LIMS1: variants seen among roughly 807,000 people sequenced by gnomAD.
LIMS1 encodes LIM zinc finger domain containing 1.
A neutral mutation model predicts 44.1 loss-of-function variants in LIMS1; 18 were observed. The ratio of observed to expected loss-of-function variants is 0.41; its 90% CI spans 0.28 to 0.61. The LOEUF (loss-of-function observed/expected upper bound fraction) is 0.61, where lower values mean the gene tolerates loss of function less well. Ranked by LOEUF, LIMS1 falls within the 20% of genes least tolerant of loss-of-function variation. The pLI is 0.32. For missense variants in LIMS1, 201 were observed against 422.0 expected, an observed-to-expected ratio of 0.48 and a Z score of 4.59; for synonymous variants, 93 against 149.1, an observed-to-expected ratio of 0.62 and a Z score of 2.74.
At chr2:108,546,811 A>G (rs538542522) in intron 1 of LIMS1, among the ~76,000 whole-genome samples, 34 of 152,290 alleles carry the variant, frequency 2.2e-4, no homozygotes, top group Admixed American at 1.9e-3. Flanking sequence ...GGAGACTTCT[A>G]TAAAGCACCT....
chr2:108,583,833 C>T (rs1239462814), intron 1 of LIMS1, among the ~76,000 whole-genome samples: 1 of 151,336 alleles, frequency 6.6e-6, no homozygotes, highest in Non-Finnish European at 1.5e-5. Context: ...TAACTGGGAC[C>T]ACAGGCGCCC....
chr2:108,583,597 C>T (rs193072545), intron 1 of LIMS1, among the ~76,000 whole-genome samples: 197 of 151,856 alleles, frequency 1.3e-3, no homozygotes, highest in African/African-American at 4.5e-3. Flanking sequence ...GGAAAAGATA[C>T]GCAAGTGTAT....
intron 8 of LIMS1, among the ~76,000 whole-genome samples, chr2:108,679,883 A>C (rs1469254276): frequency 6.6e-6 from 1 of 151,950 alleles, no homozygotes; most frequent in African/African-American, 2.4e-5. Flanking sequence ...CAGCCTGGAC[A>C]ACAGAGCGAG....
chr2:108,672,509 A>G (rs1692233473), intron 4 of LIMS1, 64 bp downstream of exon 4: 4 of 455,878 alleles, frequency 8.8e-6, no homozygotes, highest in South Asian at 4.3e-5. Context: ...GATCATGTGT[A>G]TTCTCCATGT....
intron 1 of LIMS1, among the ~76,000 whole-genome samples, chr2:108,640,461 A>G (rs1277208735): frequency 6.6e-6 from 1 of 152,200 alleles, no homozygotes; most frequent in Non-Finnish European, 1.5e-5. Context: ...CTGAGGCCAC[A>G]CAGTGCTTTC....
chr2:108,605,599 A>G (rs1687228581), intron 1 of LIMS1, among the ~76,000 whole-genome samples: 1 of 152,238 alleles, frequency 6.6e-6, no homozygotes, highest in Non-Finnish European at 1.5e-5. Context: ...AGTACCTACT[A>G]CATGCCCAGC....
intron 1 of LIMS1, among the ~76,000 whole-genome samples, chr2:108,612,877 C>A (rs1309730157): frequency 6.6e-6 from 1 of 152,160 alleles, no homozygotes; most frequent in African/African-American, 2.4e-5. Context: ...TTCCCAGAAG[C>A]TTCCGGGGTT....
intron 1 of LIMS1, among the ~76,000 whole-genome samples, chr2:108,546,243 G>A (rs1014334513): frequency 1.9e-5 from 2 of 107,680 alleles, no homozygotes; most frequent in African/African-American, 6.8e-5. Flanking sequence ...ACTAGTGATT[G>A]TTTTCCCTTG....
intron 1 of LIMS1, among the ~76,000 whole-genome samples, chr2:108,631,335 A>G (rs1405117478): frequency 1.3e-5 from 2 of 152,146 alleles, no homozygotes; most frequent in East Asian, 3.8e-4. Context: ...TTGAATAACT[A>G]CTTAGTAATT....
intron 1 of LIMS1, among the ~76,000 whole-genome samples, chr2:108,581,813 T>G (rs1185484772): frequency 1.3e-5 from 2 of 151,984 alleles, no homozygotes; most frequent in Admixed American, 1.3e-4. Context: ...GGCGCATGCC[T>G]GTAATCCCAG....
intron 9 of LIMS1, among the ~76,000 whole-genome samples, chr2:108,681,905 AT>A (rs1448879105): frequency 6.6e-6 from 1 of 151,964 alleles, no homozygotes; most frequent in African/African-American, 2.4e-5. Flanking sequence ...AAAAAAAAAA[AT>A]CTTTCAGCAT....
At chr2:108,579,700 G>A (rs780338854) in intron 1 of LIMS1, among the ~76,000 whole-genome samples, 1 of 152,198 alleles carries the variant, frequency 6.6e-6, no homozygotes, top group Non-Finnish European at 1.5e-5. Flanking sequence ...TATTCACAGC[G>A]AGCCTGCCCT....
intron 1 of LIMS1, among the ~76,000 whole-genome samples, chr2:108,640,023 A>G (rs1381174344): frequency 1.3e-5 from 2 of 152,178 alleles, no homozygotes; most frequent in Admixed American, 6.5e-5. Context: ...TCTGCTTTTA[A>G]TGATTGCACC....
intron 1 of LIMS1, among the ~76,000 whole-genome samples, chr2:108,597,374 T>C (rs2104706445): frequency 6.6e-6 from 1 of 152,306 alleles, no homozygotes; most frequent in East Asian, 1.9e-4. Context: ...GTGATTGTAA[T>C]GATGATTGCA....
At chr2:108,543,335 T>C (rs1468879188) in intron 1 of LIMS1, among the ~76,000 whole-genome samples, 2 of 152,190 alleles carry the variant, frequency 1.3e-5, no homozygotes, top group Non-Finnish European at 2.9e-5. Flanking sequence ...TAGGTCTCAC[T>C]AATGCAGGCC....
intron 2 of LIMS1, among the ~76,000 whole-genome samples, chr2:108,667,402 A>C (rs1250332787): frequency 6.6e-6 from 1 of 152,224 alleles, no homozygotes; most frequent in East Asian, 1.9e-4. Context: ...TCTTTCAGCC[A>C]GATTTTGAAC....
In LIMS1 at chr2:108,635,577, T is replaced by G. The variant is rs141033691; in HGVS notation, c.33-24028T>G. 4.4e-3 allele frequency among the ~76,000 whole-genome samples: 669 copies of G among 151,986 alleles called. 4 individuals carry two copies. Among genetic ancestry groups the G allele is most frequent in the South Asian group, 0.014 (68 of 4,810 alleles). ...TTAGTCAGGCGTGGTGGTGGGTGCC[T>G]GTAATCCCAGCTACTTGGGAGGCTG... is the stretch of plus-strand genomic sequence containing the variant. On this transcript the variant is annotated intron_variant, in intron 1 of 9. Coordinates refer to ENST00000544547, the Ensembl canonical transcript of LIMS1.
intron 2 of LIMS1, among the ~76,000 whole-genome samples, chr2:108,663,763 A>T (rs6721527): frequency 0.35 from 51,933 of 149,576 alleles, 11,131 homozygotes; most frequent in East Asian, 0.88. Context: ...TTTTATTTTT[A>T]TTTTTTTTGA....
intron 1 of LIMS1, among the ~76,000 whole-genome samples, chr2:108,556,251 C>A (rs1190998998): frequency 6.6e-6 from 1 of 152,144 alleles, no homozygotes; most frequent in Non-Finnish European, 1.5e-5. Context: ...CAAGGTTCAT[C>A]CATGTTGTAG....
Sources: gnomAD v4.1 joint callset for allele counts (sites outside exome capture counted in the v4.1 genomes callset) on GRCh38, gnomAD v4.1.1 for gene constraint, MANE v1.5 for transcripts, NCBI Gene and HGNC (gene_info 2026-07-23, HGNC 2026-07-21) for gene names.